Variants in CMC1 observed in about 807,000 individuals in gnomAD.
CMC1 encodes the protein COX assembly mitochondrial protein homolog.
Under a neutral mutation model 14.1 loss-of-function variants are expected in CMC1, and 14 were observed. That is an observed-to-expected ratio of 0.99 (90% CI 0.66 to 1.55). The LOEUF is 1.55. Among genes scored for constraint, CMC1 ranks in the 40% most tolerant of loss-of-function variants. The pLI is 0.00. For synonymous variants in CMC1, 50 were observed against 38.4 expected, an observed-to-expected ratio of 1.30 and a Z score of -1.12; for missense variants, 127 against 123.8, an observed-to-expected ratio of 1.03 and a Z score of -0.12.
intron 2 of CMC1, among the ~76,000 whole-genome samples, chr3:28,304,993 T>C (rs1702233884): frequency 6.6e-6 from 1 of 152,184 alleles, no homozygotes; most frequent in Non-Finnish European, 1.5e-5. Flanking sequence ...ATGAGTATAT[T>C]GTATAATGCA....
chr3:28,283,572 A>G, intron 2 of CMC1, among the ~76,000 whole-genome samples: 1 of 151,088 alleles, frequency 6.6e-6, no homozygotes, highest in South Asian at 2.1e-4. Flanking sequence ...AAAAAAGAAA[A>G]GAAGAAAGAA....
Position 28,319,513 on chromosome 3 carries a change from A to C in CMC1, c.205A>C (p.Asn69His), listed in dbSNP as rs755570632. The change falls in exon 4 of 4, where the codon AAT (asparagine) becomes CAT (histidine). Residue 69 changes from asparagine to histidine, a missense_variant. Physicochemically the swap from Asn to His is moderately conservative, Grantham distance 68. Coordinates refer to ENST00000466830, the MANE Select transcript of CMC1 (RefSeq NM_182523.2). ...ALKECLTAYYNDPAFYEECKM... is the reference protein window; with the variant it reads ...ALKECLTAYYHDPAFYEECKM... ...ATTTTCATTTCCTTCTCATAGCTAT[A>C]ATGATCCAGCCTTTTATGAAGAATG... The C allele has an allele frequency of 7.5e-6, 12 of 1,596,808 alleles. No homozygotes were observed. Among genetic ancestry groups the C allele is most frequent in the Non-Finnish European group, 1.0e-5 (12 of 1,169,422 alleles).
intron 2 of CMC1, among the ~76,000 whole-genome samples, chr3:28,305,234 A>G (rs1702247490): frequency 6.6e-6 from 1 of 152,156 alleles, no homozygotes. Flanking sequence ...CTCCAGCTAA[A>G]TCTATGTTGC....
intron 2 of CMC1, among the ~76,000 whole-genome samples, chr3:28,313,329 CCTA>C (rs1380916191): frequency 5.9e-5 from 9 of 152,122 alleles, no homozygotes; most frequent in Admixed American, 3.3e-4. Context: ...TCTCCGCATT[CCTA>C]CTGTTTATTG....
At chr3:28,319,045 G>T in intron 3 of CMC1, 1 of 344,362 alleles carries the variant, frequency 2.9e-6, no homozygotes, top group Non-Finnish European at 5.8e-6. Flanking sequence ...CTACTTGGCA[G>T]GTTTTCCTGC....
intron 2 of CMC1, among the ~76,000 whole-genome samples, chr3:28,283,434 G>T (rs945828211): frequency 6.6e-5 from 10 of 151,722 alleles, no homozygotes; most frequent in Admixed American, 6.6e-4. Context: ...CAAGAGAATC[G>T]CTTGGATGCA....
intron 2 of CMC1, among the ~76,000 whole-genome samples, chr3:28,269,301 A>C (rs1700159136): frequency 6.6e-6 from 1 of 152,186 alleles, no homozygotes; most frequent in Admixed American, 6.5e-5. Flanking sequence ...TATCAGACTC[A>C]ATAGCTTATT....
chr3:28,306,707 T>A (rs1463959726), intron 2 of CMC1, among the ~76,000 whole-genome samples: 1 of 151,524 alleles, frequency 6.6e-6, no homozygotes, highest in Non-Finnish European at 1.5e-5. Flanking sequence ...TGCAGTGGCA[T>A]GATCTCAGCT....
chr3:28,290,167 T>G (rs890499791), intron 2 of CMC1, among the ~76,000 whole-genome samples: 2 of 152,198 alleles, frequency 1.3e-5, no homozygotes, highest in Non-Finnish European at 2.9e-5. Flanking sequence ...TAATTTTACA[T>G]TGTCATAATT....
chr3:28,275,310 T>C (rs1485182713), intron 2 of CMC1, among the ~76,000 whole-genome samples: 1 of 151,688 alleles, frequency 6.6e-6, no homozygotes, highest in Non-Finnish European at 1.5e-5. Flanking sequence ...CTGTTGTCAT[T>C]GTTACTGTTA....
chr3:28,292,787 A>G (rs771245491), intron 2 of CMC1: 3 of 152,166 alleles, frequency 2.0e-5, no homozygotes, highest in Non-Finnish European at 2.9e-5. Flanking sequence ...CCAGAAATGA[A>G]CATAGATGTG....
intron 2 of CMC1, 54 bp from the exon 3 acceptor site, chr3:28,316,279 G>A: frequency 6.0e-6 from 5 of 838,404 alleles, no homozygotes; most frequent in Non-Finnish European, 9.0e-6. Context: ...TGTGTGTGTG[G>A]GTATTTATAT....
At chr3:28,314,800 T>C (rs960885032) in intron 2 of CMC1, among the ~76,000 whole-genome samples, 13 of 152,142 alleles carry the variant, frequency 8.5e-5, no homozygotes, top group Admixed American at 7.2e-4. Context: ...ATAAATCTCA[T>C]TTTTGGTTGC....
chr3:28,289,576 A>G (rs1455970097), intron 2 of CMC1, among the ~76,000 whole-genome samples: 1 of 152,032 alleles, frequency 6.6e-6, no homozygotes, highest in African/African-American at 2.4e-5. Flanking sequence ...TTATGCTGCA[A>G]AGATCTTTAT....
intron 2 of CMC1, chr3:28,298,447 A>C (rs1701858246): frequency 6.7e-6 from 1 of 148,374 alleles, no homozygotes; most frequent in Admixed American, 6.8e-5. Context: ...ATTCTATATA[A>C]AATATATTTT....
intron 2 of CMC1, among the ~76,000 whole-genome samples, chr3:28,283,914 C>A (rs536696087): frequency 8.5e-5 from 13 of 152,096 alleles, no homozygotes; most frequent in Non-Finnish European, 1.9e-4. Context: ...TTCATTGAAT[C>A]CTAGATTGTG....
chr3:28,308,137 A>G (rs1422959324), intron 2 of CMC1, among the ~76,000 whole-genome samples: 1 of 152,060 alleles, frequency 6.6e-6, no homozygotes, highest in Non-Finnish European at 1.5e-5. Context: ...CTTAATTCCC[A>G]TTTCCTGTGT....
chr3:28,274,228 T>C (rs1700461936), intron 2 of CMC1, among the ~76,000 whole-genome samples: 2 of 144,888 alleles, frequency 1.4e-5, no homozygotes, highest in African/African-American at 5.1e-5. Flanking sequence ...TTCTTTTTTT[T>C]TTTTTTTGCA....
intron 2 of CMC1, among the ~76,000 whole-genome samples, chr3:28,300,952 C>T (rs1328293281): frequency 2.1e-5 from 3 of 141,676 alleles, no homozygotes; most frequent in Non-Finnish European, 4.6e-5. Context: ...CCCCCAAACA[C>T]AGAAATGATA....
Sources: allele counts gnomAD v4.1 joint callset (sites outside exome capture counted in the v4.1 genomes callset), GRCh38; gene constraint gnomAD v4.1.1; transcripts MANE v1.5; gene names NCBI Gene and HGNC (gene_info 2026-07-23, HGNC 2026-07-21).